ATP8A2: variants seen among roughly 807,000 people sequenced by gnomAD.
The protein encoded by ATP8A2 is phospholipid-transporting ATPase IB.
Under a neutral mutation model 165.6 loss-of-function variants are expected in ATP8A2, and 100 were observed. The observed-to-expected ratio is 0.60, with a 90% CI of 0.51 to 0.71. The LOEUF is 0.71. ATP8A2 is among the 30% of genes least tolerant of loss of function. The pLI is 0.00. For missense variants in ATP8A2, 1,227 were observed against 1,479.5 expected (o/e 0.83, Z 2.80); for synonymous variants, 543 against 548.8 (o/e 0.99, Z 0.15).
chr13:25,944,779 A>G (rs17082885), intron 33 of ATP8A2: 33,706 of 152,156 alleles, frequency 0.22, 3,780 homozygotes, highest in Admixed American at 0.26. Flanking sequence ...CTAATAAAAA[A>G]ATTATTTAAA....
At chr13:25,492,103 CTG>C (rs1303119890) in intron 2 of ATP8A2, among the ~76,000 whole-genome samples, 2 of 152,176 alleles carry the variant, frequency 1.3e-5, no homozygotes, top group African/African-American at 4.8e-5. Context: ...GTTGTCCAGG[CTG>C]GAGTGCCATG....
intron 1 of ATP8A2, among the ~76,000 whole-genome samples, chr13:25,430,658 C>T (rs115303519): frequency 0.014 from 2,078 of 152,144 alleles, 50 homozygotes; most frequent in African/African-American, 0.048. Context: ...ACTGAAGTGG[C>T]GAAATCTCGG....
At chr13:25,628,967 C>A (rs148569766) in intron 24 of ATP8A2, among the ~76,000 whole-genome samples, 1 of 152,274 alleles carries the variant, frequency 6.6e-6, no homozygotes, top group African/African-American at 2.4e-5. Context: ...GCATCCTAAG[C>A]CCTTGTTTGA....
chr13:25,713,462 G>T (rs1400454523), intron 25 of ATP8A2, among the ~76,000 whole-genome samples: 1 of 151,998 alleles, frequency 6.6e-6, no homozygotes, highest in East Asian at 1.9e-4. Context: ...ATTATTTTTG[G>T]TGCTACAGCT....
At chr13:25,769,415 T>A (rs1297432827) in intron 26 of ATP8A2, among the ~76,000 whole-genome samples, 186 bp downstream of exon 26, 2 of 152,214 alleles carry the variant, frequency 1.3e-5, no homozygotes, top group Non-Finnish European at 2.9e-5. Context: ...TTGGAGGCCC[T>A]GTCCTGCTGA....
chr13:25,469,053 G>A lies in ATP8A2; in HGVS notation c.153G>A (p.Leu51=). 3 of 1,614,082 alleles carry A rather than the reference G, an allele frequency of 1.9e-6. No homozygotes were observed. The highest frequency in any genetic ancestry group is 2.5e-6 in the Non-Finnish European group (3 of 1,179,910). ...MSRATSVGDQ[L]EAPARTIYLN... Reference sequence around the variant, plus strand: ...GGGCCACGTCTGTTGGAGACCAGCTGGAGGCACCCGCCCGCACCATTTACC... The same window carrying A: ...GGGCCACGTCTGTTGGAGACCAGCTAGAGGCACCCGCCCGCACCATTTACC... Residue 51 remains leucine, a synonymous_variant, in exon 2 of 37, where the codon CTG becomes CTA. Coordinates refer to ENST00000381655, the MANE Select transcript of ATP8A2 (RefSeq NM_016529.6).
At chr13:25,430,005 A>T (rs57251500) in intron 1 of ATP8A2, among the ~76,000 whole-genome samples, 3,604 of 152,292 alleles carry the variant, frequency 0.024, 145 homozygotes, top group African/African-American at 0.082. Context: ...AGGAGCCAGC[A>T]ATCACAGAGG....
chr13:26,019,749 A>G (rs1203822736), intron 36 of ATP8A2, 139 bp from the exon 37 acceptor site: 2 of 612,396 alleles, frequency 3.3e-6, no homozygotes, highest in Admixed American at 3.0e-5. Flanking sequence ...CTTCATCTCA[A>G]GCCTCCACCT....
chr13:25,773,040 G>A (rs530902214), intron 26 of ATP8A2, among the ~76,000 whole-genome samples: 2 of 152,308 alleles, frequency 1.3e-5, no homozygotes, highest in East Asian at 3.9e-4. Context: ...GATTACAGGT[G>A]TGAGCCACTG....
At chr13:25,814,077 C>T (rs1194606806) in intron 27 of ATP8A2, among the ~76,000 whole-genome samples, 1 of 130,766 alleles carries the variant, frequency 7.6e-6, no homozygotes, top group African/African-American at 2.9e-5. Flanking sequence ...TAATGAATCT[C>T]TTCATGTGCT....
intron 2 of ATP8A2, among the ~76,000 whole-genome samples, chr13:25,524,910 C>A (rs1206987050): frequency 2.7e-5 from 4 of 150,024 alleles, no homozygotes; most frequent in African/African-American, 7.4e-5. Context: ...TTCCTTCCTT[C>A]CTTCCTTCCT....
intron 1 of ATP8A2, among the ~76,000 whole-genome samples, chr13:25,440,277 G>A (rs765714587): frequency 6.6e-6 from 1 of 152,060 alleles, no homozygotes; most frequent in African/African-American, 2.4e-5. Context: ...TTTAGAACTT[G>A]TGCTGTCAGG....
chr13:25,686,580 G>A (rs1438041760), intron 24 of ATP8A2, among the ~76,000 whole-genome samples: 1 of 152,160 alleles, frequency 6.6e-6, no homozygotes, highest in East Asian at 1.9e-4. Context: ...AATGTTTCAA[G>A]AGAAGCTAGA....
At chr13:25,524,770 A>C (rs572026620) in intron 2 of ATP8A2, among the ~76,000 whole-genome samples, 1 of 151,950 alleles carries the variant, frequency 6.6e-6, no homozygotes, top group Non-Finnish European at 1.5e-5. Flanking sequence ...TTCTTTATCC[A>C]TTCAGCTATA....
chr13:25,372,280 C>T lies in ATP8A2; in HGVS notation c.68C>T (p.Ser23Leu), dbSNP rs200068509. The T allele has an allele frequency of 4.9e-6, 7 of 1,431,842 alleles. No homozygotes were observed. The highest frequency in any genetic ancestry group is 2.5e-5 in the Admixed American group (1 of 40,494). The allele number at this position is 1,431,842 out of a possible 1,614,324, so 88.7% of individuals were successfully genotyped here. The change falls in exon 1 of 37, where the codon TCG becomes TTG. Residue 23 changes from serine (S) to leucine (L), a missense_variant. By Grantham distance (145) the Ser-to-Leu change is moderately radical. Coordinates refer to ENST00000381655, the MANE Select transcript of ATP8A2 (RefSeq NM_016529.6). This position sits in a 1 kb window ranked among gnomAD's most constrained non-coding sequence, Gnocchi z 4.8. ...MSLPRRSRIR[S>L]SVGPVRSSLG... ...CTGCCGCGGAGGTCGAGGATCCGCT[C>T]GTCCGTGGGTGAGCTGGGAGGGGCG...
chr13:25,885,629 AT>A (rs1341592329), intron 33 of ATP8A2, among the ~76,000 whole-genome samples: 2 of 152,180 alleles, frequency 1.3e-5, no homozygotes, highest in Non-Finnish European at 2.9e-5. Context: ...AACCAGAGAA[AT>A]TGCAGTGTCC....
intron 1 of ATP8A2, chr13:25,468,731 C>T (rs549158870): frequency 3.1e-6 from 2 of 651,686 alleles, no homozygotes; most frequent in Admixed American, 6.3e-5. Flanking sequence ...GGGCGGGGCT[C>T]GCTCCACAAG....
At chr13:25,413,945 C>G (rs2034054620) in intron 1 of ATP8A2, among the ~76,000 whole-genome samples, 1 of 151,880 alleles carries the variant, frequency 6.6e-6, no homozygotes. Context: ...TAGTTGGTGG[C>G]TCTTTTCCTG....
At chr13:25,681,817 G>C (rs1272924726) in intron 24 of ATP8A2, among the ~76,000 whole-genome samples, 1 of 152,158 alleles carries the variant, frequency 6.6e-6, no homozygotes, top group Non-Finnish European at 1.5e-5. Context: ...GATGTTGTTG[G>C]GGGTGGGAAA....
Sources: allele counts gnomAD v4.1 joint callset (sites outside exome capture counted in the v4.1 genomes callset), GRCh38; gene constraint gnomAD v4.1.1; non-coding constraint Gnocchi (gnomAD v3.1); transcripts MANE v1.5; gene names NCBI Gene and HGNC (gene_info 2026-07-23, HGNC 2026-07-21).